Variants in GALNTL6 observed in about 807,000 individuals in gnomAD.
GALNTL6 encodes polypeptide N-acetylgalactosaminyltransferase-like 6.
GALNTL6 carries 46 observed loss-of-function variants against 73.7 expected under a neutral mutation model. That is an observed-to-expected ratio of 0.62 (90% CI 0.49 to 0.80). The LOEUF (loss-of-function observed/expected upper bound fraction) is 0.80. Among genes scored for constraint, GALNTL6 ranks in the 30% least tolerant of loss-of-function variants. The pLI is 0.00. For synonymous variants in GALNTL6, 259 were observed against 263.7 expected (o/e 0.98, Z 0.17); for missense variants, 604 against 755.0 (o/e 0.80, Z 2.34).
At chr4:172,683,057 G>A (rs941116603) in intron 5 of GALNTL6, among the ~76,000 whole-genome samples, 6 of 152,126 alleles carry the variant, frequency 3.9e-5, no homozygotes, top group Admixed American at 2.0e-4. Context: ...ACAGGGACAC[G>A]AACCTGTTTC....
rs555619831 is a variant in GALNTL6 at position 171,916,095 on chromosome 4, C to T, written c.138+101377C>T. Among the ~76,000 whole-genome samples the T allele has an allele frequency of 9.2e-5, 14 of 151,620 alleles. No homozygotes were observed. In the East Asian group the frequency reaches 9.8e-4, roughly 11 times the overall value. ...ATAAGCATTTCTTATTCATATTCTA[C>T]GTTTGAGATATCATTCTTTTTGATT... On this transcript the variant is annotated intron_variant, in intron 2 of 12. Coordinates refer to ENST00000506823, the MANE Select transcript of GALNTL6 (RefSeq NM_001034845.3).
chr4:172,760,061 C>A (rs987495350), intron 5 of GALNTL6, among the ~76,000 whole-genome samples: 60 of 151,582 alleles, frequency 4.0e-4, no homozygotes, highest in African/African-American at 1.4e-3. Flanking sequence ...TGGTCTCGAT[C>A]TCCTGACCTC....
chr4:172,542,416 T>C (rs1735591676), intron 5 of GALNTL6, among the ~76,000 whole-genome samples: 1 of 152,128 alleles, frequency 6.6e-6, no homozygotes, highest in Non-Finnish European at 1.5e-5. Flanking sequence ...CAGGGCGTTC[T>C]TTGTTAGAAA....
At chr4:172,143,601 A>C (rs1560940432) in intron 2 of GALNTL6, among the ~76,000 whole-genome samples, 1 of 152,036 alleles carries the variant, frequency 6.6e-6, no homozygotes, top group Non-Finnish European at 1.5e-5. Flanking sequence ...TATGTATCTA[A>C]AACATCTAAA....
intron 11 of GALNTL6, among the ~76,000 whole-genome samples, chr4:173,011,930 G>T (rs912656534): frequency 6.6e-6 from 1 of 152,054 alleles, no homozygotes; most frequent in African/African-American, 2.4e-5. Context: ...TAGAGATGGG[G>T]TCTTGCTCTG....
chr4:172,783,588 A>G (rs1192159395), intron 5 of GALNTL6, among the ~76,000 whole-genome samples: 3 of 151,272 alleles, frequency 2.0e-5, no homozygotes, highest in Non-Finnish European at 4.4e-5. Flanking sequence ...CCACAAACTT[A>G]GTGGCTTAAA....
At chr4:172,764,200 C>T (rs570213563) in intron 5 of GALNTL6, among the ~76,000 whole-genome samples, 25 of 152,272 alleles carry the variant, frequency 1.6e-4, no homozygotes, top group Admixed American at 1.5e-3. Flanking sequence ...TCAGATGGTC[C>T]GCCCGCCTTC....
chr4:171,930,238 G>T (rs969412074), intron 2 of GALNTL6, among the ~76,000 whole-genome samples: 1 of 152,184 alleles, frequency 6.6e-6, no homozygotes, highest in Admixed American at 6.5e-5. Flanking sequence ...TGGCACCTTC[G>T]CCTCCAGCGA....
chr4:171,871,754 G>C (rs1237850505), intron 2 of GALNTL6, among the ~76,000 whole-genome samples: 2 of 152,040 alleles, frequency 1.3e-5, no homozygotes, highest in Non-Finnish European at 2.9e-5. Context: ...CAAATATTAT[G>C]TTCTAATGGT....
chr4:172,677,488 T>C (rs1239831362), intron 5 of GALNTL6, among the ~76,000 whole-genome samples: 1 of 152,204 alleles, frequency 6.6e-6, no homozygotes, highest in African/African-American at 2.4e-5. Context: ...ATATGGAGTT[T>C]AATGATAGAA....
At chr4:172,008,621 G>A (rs1740906008) in intron 2 of GALNTL6, among the ~76,000 whole-genome samples, 1 of 152,062 alleles carries the variant, frequency 6.6e-6, no homozygotes, top group Non-Finnish European at 1.5e-5. Flanking sequence ...AAACCACTAA[G>A]AACAAACGAA....
intron 2 of GALNTL6, among the ~76,000 whole-genome samples, chr4:172,110,728 C>G (rs932945803): frequency 6.6e-6 from 1 of 152,092 alleles, no homozygotes; most frequent in Non-Finnish European, 1.5e-5. Context: ...ACATGTTTTG[C>G]TGATTGCTGC....
chr4:171,903,843 C>T (rs1226408142), intron 2 of GALNTL6, among the ~76,000 whole-genome samples: 33 of 152,278 alleles, frequency 2.2e-4, no homozygotes, highest in Non-Finnish European at 1.2e-4. Flanking sequence ...ACCCCTGACC[C>T]CTGAGCAGCC....
chr4:172,937,900 T>C (rs1225376304), intron 9 of GALNTL6, among the ~76,000 whole-genome samples: 1 of 152,202 alleles, frequency 6.6e-6, no homozygotes, highest in Non-Finnish European at 1.5e-5. Flanking sequence ...AAGAGAAATA[T>C]ATGCCCTATA....
At chr4:173,007,092 A>G (rs1752336172) in intron 10 of GALNTL6, among the ~76,000 whole-genome samples, 1 of 152,192 alleles carries the variant, frequency 6.6e-6, no homozygotes, top group Admixed American at 6.5e-5. Context: ...TACTCCTAGA[A>G]TAAATGAAAT....
intron 5 of GALNTL6, among the ~76,000 whole-genome samples, chr4:172,594,303 C>A (rs1313478915): frequency 1.3e-5 from 2 of 152,106 alleles, no homozygotes; most frequent in African/African-American, 2.4e-5. Flanking sequence ...CAAGATCATG[C>A]CACTGCACTC....
rs1386994914 is a variant in GALNTL6, at chr4:172,150,711, C to CA, written c.139-78944dup. Among the ~76,000 whole-genome samples the CA allele has an allele frequency of 1.9e-4, 29 of 152,006 alleles. 1 individual carries two copies. Among genetic ancestry groups the CA allele is most frequent in the Non-Finnish European group, 3.4e-4 (23 of 67,978 alleles). ...GAACAGGATGAAGTTGGTCCCTGGG[C>CA]AGTAGGGAGAAGAGGATCAGTGGAG... On this transcript the variant is annotated intron_variant, in intron 2 of 12. Transcript: ENST00000506823.
intron 10 of GALNTL6, among the ~76,000 whole-genome samples, chr4:172,955,058 C>T (rs1249884479): frequency 1.3e-5 from 2 of 152,108 alleles, no homozygotes; most frequent in Non-Finnish European, 2.9e-5. Context: ...GAATAGATCT[C>T]TGAGAGTATA....
At chr4:172,481,222 G>C (rs1733452638) in intron 5 of GALNTL6, among the ~76,000 whole-genome samples, 1 of 151,840 alleles carries the variant, frequency 6.6e-6, no homozygotes, top group Non-Finnish European at 1.5e-5. Flanking sequence ...CAGCCAGTCG[G>C]GAGTTGTTCC....
Sources: allele counts gnomAD v4.1 joint callset (sites outside exome capture counted in the v4.1 genomes callset), GRCh38; gene constraint gnomAD v4.1.1; transcripts MANE v1.5; gene names NCBI Gene and HGNC (gene_info 2026-07-23, HGNC 2026-07-21).